RNF180: variants seen among roughly 807,000 people sequenced by gnomAD.
The protein encoded by RNF180 is ring finger protein 180.
A neutral mutation model predicts 59.2 loss-of-function variants in RNF180; 38 were observed. The observed-to-expected ratio is 0.64, with a 90% confidence interval of 0.50 to 0.84. RNF180 has a LOEUF of 0.84. Among genes scored for constraint, RNF180 ranks in the 40% least tolerant of loss-of-function variants. RNF180 has a pLI of 0.00. For missense variants in RNF180, 705 were observed against 700.9 expected (o/e 1.01, Z -0.07); for synonymous variants, 262 against 240.3 (o/e 1.09, Z -0.84).
At chr5:64,295,972 T>A (rs1446387706) in intron 5 of RNF180, among the ~76,000 whole-genome samples, 1 of 152,200 alleles carries the variant, frequency 6.6e-6, no homozygotes, top group Admixed American at 6.5e-5. Context: ...TTCTAGTCAC[T>A]TCTGTCCGCT....
chr5:64,222,256 T>C (rs1247752104), intron 5 of RNF180, among the ~76,000 whole-genome samples: 1 of 152,184 alleles, frequency 6.6e-6, no homozygotes. Flanking sequence ...AGAGGACTCA[T>C]AGAACTAAGC....
At position 64,337,044 on chromosome 5, in the gene RNF180, G is replaced by T. The variant is rs187285159; in HGVS notation, c.1579+6638G>T. 4.8e-5 allele frequency among the ~76,000 whole-genome samples: 7 copies of T among 146,582 alleles called. No homozygotes were observed. The East Asian group carries it at 7.9e-4, about 17-fold the overall frequency. ...TTGTTTTTGTTTTTGTTTTTTTTGA[G>T]ACAACGTCTCACTCTGTTACCCAGG... On this transcript the variant is annotated intron_variant, in intron 7 of 7. Transcript: ENST00000389100.
chr5:64,177,563 A>G lies in RNF180; in HGVS notation c.-1+11610A>G, dbSNP rs868390294. ...TATATATATATATATATATATATAT[A>G]TATGTATTTATTTCTTTCCTGAGTC... On this transcript the variant is annotated intron_variant, in intron 1 of 7. Transcript: ENST00000389100. Among the ~76,000 whole-genome samples, 537 of 135,418 alleles carry G rather than the reference A, an allele frequency of 4.0e-3. 2 individuals carry two copies. Among genetic ancestry groups the G allele is most frequent in the African/African-American group, 0.013 (465 of 36,122 alleles). 88.8% of individuals were successfully genotyped at this position (135,418 alleles called of 152,430 possible). A position where few individuals can be genotyped will look rare whatever the true frequency, so the allele number is the denominator to read the frequency against.
At chr5:64,188,538 T>C (rs1750980322) in intron 1 of RNF180, among the ~76,000 whole-genome samples, 1 of 152,188 alleles carries the variant, frequency 6.6e-6, no homozygotes, top group Admixed American at 6.5e-5. Flanking sequence ...TCTAAGTTGG[T>C]ATGCTTTGCT....
At position 64,276,374 on chromosome 5, in the gene RNF180, G is replaced by GGGGT. The variant is rs1554038848; in HGVS notation, c.1228-48811_1228-48810insGGTG. ...TGTGTGTGTGTACAAAAACCACATT[G>GGGGT]GTGTGTGTGTGTGTGTGTTTATTTA... On this transcript the variant is annotated intron_variant, in intron 5 of 7. Coordinates refer to ENST00000389100, the MANE Select transcript of RNF180 (RefSeq NM_001113561.2). 4.2e-4 allele frequency among the ~76,000 whole-genome samples: 61 copies of GGGGT among 145,452 alleles called. 2 individuals are homozygous for GGGGT. Among genetic ancestry groups the GGGGT allele is most frequent in the African/African-American group, 8.4e-4 (33 of 39,230 alleles).
In RNF180 at chr5:64,330,137, G is replaced by T; in HGVS notation, c.1454-144G>T. ...TATTTGCTTGAGTAAAGAAAAAAATGTTGAATCTATTTTTGTCTTCACTGA... is the reference window on the plus strand; with the variant it reads ...TATTTGCTTGAGTAAAGAAAAAAATTTTGAATCTATTTTTGTCTTCACTGA... On this transcript the variant is annotated intron_variant, in intron 6 of 7. Coordinates refer to ENST00000389100, the MANE Select transcript of RNF180 (RefSeq NM_001113561.2). 6.2e-6 allele frequency: 4 copies of T among 641,256 alleles called. No individual in the cohort carries two copies. In the South Asian group the frequency reaches 8.2e-5, roughly 13 times the overall value. The allele number at this position is 641,256 out of a possible 1,614,324, so 39.7% of individuals were successfully genotyped here.
intron 1 of RNF180, among the ~76,000 whole-genome samples, chr5:64,169,756 A>G (rs914500814): frequency 1.3e-5 from 2 of 152,254 alleles, no homozygotes; most frequent in African/African-American, 4.8e-5. Context: ...GTAGAAATCT[A>G]GAGCAATTCT....
chr5:64,296,518 T>C (rs1452149935), intron 5 of RNF180, among the ~76,000 whole-genome samples: 1 of 152,108 alleles, frequency 6.6e-6, no homozygotes, highest in South Asian at 2.1e-4. Flanking sequence ...CTCTGAAGTT[T>C]TGTGCAATAC....
chr5:64,343,429 T>G (rs1334120259), intron 7 of RNF180, among the ~76,000 whole-genome samples: 1 of 152,038 alleles, frequency 6.6e-6, no homozygotes, highest in Admixed American at 6.6e-5. Flanking sequence ...AAGAAGGGAA[T>G]AGAAAAATAT....
chr5:64,322,249 A>C (rs992468704), intron 5 of RNF180, among the ~76,000 whole-genome samples: 1 of 152,210 alleles, frequency 6.6e-6, no homozygotes, highest in African/African-American at 2.4e-5. Context: ...AAATTTTTTC[A>C]ATCTACCCAT....
intron 1 of RNF180, among the ~76,000 whole-genome samples, chr5:64,185,353 A>T (rs1750818067): frequency 6.6e-6 from 1 of 152,190 alleles, no homozygotes; most frequent in Admixed American, 6.5e-5. Context: ...ATGATAATTC[A>T]TTTAAAAAGT....
intron 5 of RNF180, among the ~76,000 whole-genome samples, chr5:64,302,254 C>T (rs976676036): frequency 1.3e-5 from 2 of 151,556 alleles, no homozygotes; most frequent in East Asian, 1.9e-4. Flanking sequence ...ACACAAAAGT[C>T]GCTGGTCAAT....
chr5:64,231,205 C>T (rs1056690310), intron 5 of RNF180, among the ~76,000 whole-genome samples: 18 of 152,196 alleles, frequency 1.2e-4, no homozygotes, highest in Non-Finnish European at 2.5e-4. Flanking sequence ...CAATAAATCA[C>T]ATCTTCTTGG....
At chr5:64,314,672 C>T (rs1248507100) in intron 5 of RNF180, among the ~76,000 whole-genome samples, 1 of 152,072 alleles carries the variant, frequency 6.6e-6, no homozygotes, top group Non-Finnish European at 1.5e-5. Flanking sequence ...AGATAATAAA[C>T]TATTGCATGT....
At chr5:64,349,409 TC>T (rs1288256925) in intron 7 of RNF180, among the ~76,000 whole-genome samples, 1 of 129,620 alleles carries the variant, frequency 7.7e-6, no homozygotes, top group Admixed American at 7.4e-5. Context: ...TAGTCTTCTT[TC>T]TTTTTTTTTT....
intron 5 of RNF180, among the ~76,000 whole-genome samples, chr5:64,257,408 A>G (rs1337924618): frequency 6.6e-6 from 1 of 152,232 alleles, no homozygotes; most frequent in Non-Finnish European, 1.5e-5. Flanking sequence ...AGTTTTTAGC[A>G]TGAACGGCTG....
At position 64,272,640 on chromosome 5, in the gene RNF180, A is replaced by T. The variant is rs150759520; in HGVS notation, c.1228-52546A>T. On this transcript the variant is annotated intron_variant, in intron 5 of 7. Transcript: ENST00000389100. ...CAAAAATTATTAGATGCAAGAAAGG[A>T]TGGTAACGAAAATTAATAGCTTATT... Among the ~76,000 whole-genome samples, 226 of 152,166 alleles carry T rather than the reference A, an allele frequency of 1.5e-3. 1 individual carries two copies. The highest frequency in any genetic ancestry group is 5.2e-3 in the African/African-American group (217 of 41,552).
At chr5:64,366,479 G>C (rs1420579510) in intron 7 of RNF180, among the ~76,000 whole-genome samples, 1 of 151,482 alleles carries the variant, frequency 6.6e-6, no homozygotes, top group Admixed American at 6.6e-5. Flanking sequence ...CGCTGGATTT[G>C]AATGTTGGCC....
intron 5 of RNF180, among the ~76,000 whole-genome samples, chr5:64,283,278 T>C (rs1742105163): frequency 6.6e-6 from 1 of 152,174 alleles, no homozygotes; most frequent in Non-Finnish European, 1.5e-5. Context: ...TTGTTGTTGG[T>C]TTAAAGTTTG....
Sources: allele counts gnomAD v4.1 joint callset (sites outside exome capture counted in the v4.1 genomes callset), GRCh38; gene constraint gnomAD v4.1.1; transcripts MANE v1.5; gene names NCBI Gene and HGNC (gene_info 2026-07-23, HGNC 2026-07-21).